SCEL: variants seen among roughly 807,000 people sequenced by gnomAD.
The protein encoded by SCEL is sciellin.
A neutral mutation model predicts 117.6 loss-of-function variants in SCEL; 113 were observed. The ratio of observed to expected loss-of-function variants is 0.96; its 90% CI spans 0.83 to 1.12. SCEL has a LOEUF of 1.12. SCEL is among the 50% of genes most tolerant of loss of function. SCEL has a pLI of 0.00. For synonymous variants in SCEL, 270 were observed against 256.2 expected (o/e 1.05, Z -0.51); for missense variants, 785 against 810.8 (o/e 0.97, Z 0.39).
chr13:77,612,474 T>C (rs1655234536), intron 22 of SCEL, among the ~76,000 whole-genome samples: 1 of 147,654 alleles, frequency 6.8e-6, no homozygotes, highest in East Asian at 2.0e-4. Flanking sequence ...TTTTTTTTTT[T>C]TTTTTTTTTT....
intron 28 of SCEL, among the ~76,000 whole-genome samples, chr13:77,633,401 A>G (rs371616882): frequency 7.7e-6 from 1 of 129,144 alleles, no homozygotes; most frequent in Non-Finnish European, 1.6e-5. Flanking sequence ...GCGCCACTGC[A>G]GTCCGCAGTC....
intron 1 of SCEL, among the ~76,000 whole-genome samples, chr13:77,554,437 G>A (rs991539734): frequency 3.9e-5 from 6 of 152,158 alleles, no homozygotes; most frequent in Admixed American, 1.3e-4. Flanking sequence ...CAGTGCTACT[G>A]ACATTCCAGA....
chr13:77,596,348 A>G (rs926626478), intron 12 of SCEL, among the ~76,000 whole-genome samples: 1 of 152,008 alleles, frequency 6.6e-6, no homozygotes, highest in African/African-American at 2.4e-5. Context: ...AAAAAAAAGT[A>G]TAGCAAGCAT....
intron 1 of SCEL, among the ~76,000 whole-genome samples, chr13:77,543,469 T>C (rs1391842743): frequency 1.3e-5 from 2 of 152,226 alleles, no homozygotes; most frequent in Non-Finnish European, 2.9e-5. Context: ...GATAGTAATT[T>C]ATAAAAATAT....
chr13:77,641,526 G>A (rs1043701775), intron 31 of SCEL, among the ~76,000 whole-genome samples: 4 of 152,148 alleles, frequency 2.6e-5, no homozygotes, highest in African/African-American at 9.7e-5. Flanking sequence ...TAGACCAGTG[G>A]ATCTCAACCC....
chr13:77,642,183 C>T (rs2090587948), intron 31 of SCEL, among the ~76,000 whole-genome samples: 1 of 151,794 alleles, frequency 6.6e-6, no homozygotes, highest in Non-Finnish European at 1.5e-5. Context: ...TGTTCTATAG[C>T]CATAGCAATA....
chr13:77,643,463 G>C (rs1209579251), intron 32 of SCEL, among the ~76,000 whole-genome samples: 1 of 152,122 alleles, frequency 6.6e-6, no homozygotes, highest in Non-Finnish European at 1.5e-5. Context: ...TGTGAAACTT[G>C]ACTGGTTTTT....
At chr13:77,549,110 A>G (rs2084157052) in intron 1 of SCEL, among the ~76,000 whole-genome samples, 1 of 152,150 alleles carries the variant, frequency 6.6e-6, no homozygotes, top group Non-Finnish European at 1.5e-5. Flanking sequence ...TGGTAGTTCT[A>G]CTTTTAGTTT....
chr13:77,635,446 A>G (rs1386850817), intron 29 of SCEL, among the ~76,000 whole-genome samples: 1 of 152,244 alleles, frequency 6.6e-6, no homozygotes, highest in Non-Finnish European at 1.5e-5. Flanking sequence ...TTGGCGAACA[A>G]TAACATAGGC....
Position 77,597,594 on chromosome 13 carries a change from G to C in SCEL, c.797+5G>C. ...AATGAACAAAAGCTTGAATAGGTAAGATTTTTAAATGTTTATCTTTTATTA... is the reference window on the plus strand; with the variant it reads ...AATGAACAAAAGCTTGAATAGGTAACATTTTTAAATGTTTATCTTTTATTA... On this transcript the variant is annotated splice_donor_5th_base_variant and intron_variant, in intron 13 of 32. Coordinates refer to ENST00000349847, the MANE Select transcript of SCEL (RefSeq NM_144777.3). 11 of 1,430,900 alleles carry C rather than the reference G, an allele frequency of 7.7e-6. No homozygotes were observed. In the Middle Eastern group the frequency reaches 1.9e-3, roughly 245 times the overall value. 88.6% of individuals were successfully genotyped at this position (1,430,900 alleles called of 1,614,324 possible). A position where few individuals can be genotyped will look rare whatever the true frequency, so the allele number is the denominator to read the frequency against.
intron 20 of SCEL, among the ~76,000 whole-genome samples, chr13:77,608,459 G>T (rs1256648913): frequency 1.3e-5 from 2 of 152,092 alleles, no homozygotes; most frequent in Admixed American, 1.3e-4. Flanking sequence ...AATTAGCCAG[G>T]CATGGTGGAG....
intron 1 of SCEL, among the ~76,000 whole-genome samples, chr13:77,549,917 C>T (rs932032503): frequency 5.3e-5 from 8 of 151,962 alleles, no homozygotes; most frequent in Admixed American, 3.9e-4. Context: ...GAAATATAAT[C>T]TGATTCCATT....
At chr13:77,541,934 C>A (rs572703746) in intron 1 of SCEL, among the ~76,000 whole-genome samples, 1 of 152,286 alleles carries the variant, frequency 6.6e-6, no homozygotes, top group East Asian at 1.9e-4. Context: ...AGTTTTTACT[C>A]ATTTAACTTG....
At chr13:77,587,145 G>T (rs2086610667) in intron 9 of SCEL, among the ~76,000 whole-genome samples, 1 of 151,940 alleles carries the variant, frequency 6.6e-6, no homozygotes, top group South Asian at 2.1e-4. Context: ...GATCTTGATT[G>T]TTATTTTACT....
intron 9 of SCEL, among the ~76,000 whole-genome samples, chr13:77,575,093 G>A (rs1016494953): frequency 5.9e-5 from 9 of 152,086 alleles, no homozygotes; most frequent in African/African-American, 2.2e-4. Flanking sequence ...TGACCTCTCT[G>A]TAGCCCTTAA....
chr13:77,634,886 G>C (rs1214905580), intron 29 of SCEL, among the ~76,000 whole-genome samples: 1 of 152,138 alleles, frequency 6.6e-6, no homozygotes, highest in Non-Finnish European at 1.5e-5. Context: ...CCAAGTTATG[G>C]GATATTGATG....
chr13:77,541,623 A>T (rs2083706777), intron 1 of SCEL, among the ~76,000 whole-genome samples: 2 of 152,240 alleles, frequency 1.3e-5, no homozygotes, highest in South Asian at 4.1e-4. Flanking sequence ...CTTAAATGGC[A>T]TTGGAAAATG....
intron 1 of SCEL, 95 bp downstream of exon 1, chr13:77,535,919 G>A (rs1567321729): frequency 6.6e-6 from 1 of 152,210 alleles, no homozygotes; most frequent in Admixed American, 6.5e-5. Flanking sequence ...AGAACTTACT[G>A]TATTATCTTT....
intron 11 of SCEL, among the ~76,000 whole-genome samples, chr13:77,592,378 C>A (rs553181752): frequency 1.3e-5 from 2 of 152,122 alleles, no homozygotes; most frequent in Admixed American, 1.3e-4. Context: ...ATTTAGGAAA[C>A]ACAGTTTAAT....
Sources: allele counts gnomAD v4.1 joint callset (sites outside exome capture counted in the v4.1 genomes callset), GRCh38; gene constraint gnomAD v4.1.1; transcripts MANE v1.5; gene names NCBI Gene and HGNC (gene_info 2026-07-23, HGNC 2026-07-21).